Variants in ANK2 observed in about 807,000 individuals in gnomAD.
ANK2 encodes the protein ankyrin-2.
Under a neutral mutation model 360.5 loss-of-function variants are expected in ANK2, and 83 were observed. The ratio of observed to expected loss-of-function variants is 0.23; its 90% CI spans 0.19 to 0.28. The LOEUF is 0.28. Ranked by LOEUF, ANK2 falls within the 10% of genes least tolerant of loss-of-function variation. The pLI is 1.00. For missense variants in ANK2, 4,201 were observed against 4,795.7 expected, an observed-to-expected ratio of 0.88 and a Z score of 3.66; for synonymous variants, 1,740 against 1,759.5, an observed-to-expected ratio of 0.99 and a Z score of 0.28.
At position 112,958,087 on chromosome 4, in the gene ANK2, C is replaced by A. The variant is rs1358465860; in HGVS notation, c.21+53573C>A. 1.3e-4 allele frequency among the ~76,000 whole-genome samples: 19 copies of A among 150,754 alleles called. No homozygotes were observed. The South Asian group carries it at 3.6e-3, about 28-fold the overall frequency. ...CTTCCTAGATGGGATGGCGGCCGGGCAGAGACGCTCCTCACTTTCCAGACT... is the reference window on the plus strand; with the variant it reads ...CTTCCTAGATGGGATGGCGGCCGGGAAGAGACGCTCCTCACTTTCCAGACT... On this transcript the variant is annotated intron_variant, in intron 2 of 30. Transcript: ENST00000503271.
At chr4:112,912,350 C>G (rs1182348403) in intron 2 of ANK2, among the ~76,000 whole-genome samples, 10 of 152,022 alleles carry the variant, frequency 6.6e-5, no homozygotes. Context: ...GAAAAGATGA[C>G]CAAACCCTGA....
intron 1 of ANK2, among the ~76,000 whole-genome samples, chr4:112,832,541 AAGC>A (rs1296030711): frequency 1.3e-5 from 2 of 152,244 alleles, no homozygotes; most frequent in Non-Finnish European, 2.9e-5. Flanking sequence ...ATATGGATAA[AAGC>A]AGAGCCATTC....
intron 1 of ANK2, among the ~76,000 whole-genome samples, chr4:112,847,723 A>C (rs1324819528): frequency 1.3e-5 from 2 of 152,204 alleles, no homozygotes; most frequent in African/African-American, 4.8e-5. Context: ...TCAATATATA[A>C]AAAAATAAAT....
rs76681830 is a variant in ANK2, at chr4:113,368,642, A to C, written c.11318+791A>C. ...CATATCCCTAAACCTGAAGTCTGAG[A>C]ATAGGGTGTCATGAGATTGTATCAA... On this transcript the variant is annotated intron_variant, in intron 42 of 45. Coordinates refer to ENST00000357077, the MANE Select transcript of ANK2 (RefSeq NM_001148.6). Among the ~76,000 whole-genome samples the C allele has an allele frequency of 8.9e-3, 1,350 of 152,292 alleles. 22 individuals are homozygous for C. The highest frequency in any genetic ancestry group is 0.031 in the African/African-American group (1,276 of 41,552).
intron 20 of ANK2, among the ~76,000 whole-genome samples, chr4:113,291,771 C>G (rs920661295): frequency 6.6e-6 from 1 of 152,188 alleles, no homozygotes; most frequent in African/African-American, 2.4e-5. Context: ...CATTGGCTGT[C>G]ATAGTCTTCT....
chr4:113,108,232 A>G (rs1258121554), intron 1 of ANK2, among the ~76,000 whole-genome samples: 1 of 152,166 alleles, frequency 6.6e-6, no homozygotes, highest in Non-Finnish European at 1.5e-5. Flanking sequence ...TTGCAAAACA[A>G]TCTGATTGTA....
At chr4:113,111,896 G>T (rs964359206) in intron 1 of ANK2, among the ~76,000 whole-genome samples, 1 of 152,148 alleles carries the variant, frequency 6.6e-6, no homozygotes, top group African/African-American at 2.4e-5. Context: ...GTTCCAGGAA[G>T]GCTGAAAAGA....
At chr4:113,378,529 G>A (rs927648477) in intron 45 of ANK2, among the ~76,000 whole-genome samples, 1 of 152,100 alleles carries the variant, frequency 6.6e-6, no homozygotes, top group Non-Finnish European at 1.5e-5. Context: ...TCTAATCGAT[G>A]GATCACAGAT....
chr4:113,372,597 G>A, intron 43 of ANK2: 1 of 1,535,956 alleles, frequency 6.5e-7, no homozygotes, highest in Admixed American at 2.0e-5. Context: ...GTAACTACCA[G>A]GGTTGTCCGC....
chr4:113,380,264 A>G (rs1364166079), intron 45 of ANK2, among the ~76,000 whole-genome samples: 2 of 141,842 alleles, frequency 1.4e-5, no homozygotes, highest in Non-Finnish European at 2.9e-5. Context: ...TAAAAAAAAA[A>G]AGAAGAATAT....
chr4:112,787,942 A>G, the ANK2 span: 6 of 605,494 alleles, frequency 9.9e-6, no homozygotes, highest in South Asian at 8.0e-5. Context: ...GACATCCTCC[A>G]TGTATGATCA....
intron 1 of ANK2, among the ~76,000 whole-genome samples, chr4:112,850,543 G>GTTTTTTTTTTTTTTTTTTTTTTTTT (rs2064696489): frequency 1.6e-5 from 1 of 63,830 alleles, no homozygotes. Flanking sequence ...TTGAGACAGA[G>GTTTTTTTTTTTTTTTTTTTTTTTTT]TCTCTCTCTG....
At chr4:113,102,671 A>G (rs2093051482) in intron 1 of ANK2, among the ~76,000 whole-genome samples, 1 of 152,168 alleles carries the variant, frequency 6.6e-6, no homozygotes, top group African/African-American at 2.4e-5. Flanking sequence ...AAGAATGTCC[A>G]ACTGTGAAGT....
chr4:112,819,067 A>C (rs1489613397), intron 1 of ANK2, among the ~76,000 whole-genome samples: 1 of 152,232 alleles, frequency 6.6e-6, no homozygotes, highest in African/African-American at 2.4e-5. Flanking sequence ...ATCAGGAATG[A>C]TTCTCACCTC....
rs926810508 is a variant in ANK2 at position 113,370,586 on chromosome 4, C to T, written c.11610+781C>T. 2.6e-5 allele frequency among the ~76,000 whole-genome samples: 4 copies of T among 151,944 alleles called. 1 individual carries two copies. The South Asian group carries it at 8.3e-4, about 32-fold the overall frequency. ...CATCCTGGCTAACATGGTGAAACCT[C>T]GTCTCTACTACAAATACAAAAAAAT... On this transcript the variant is annotated intron_variant, in intron 43 of 45. Coordinates refer to ENST00000357077, the MANE Select transcript of ANK2 (RefSeq NM_001148.6).
At position 112,910,109 on chromosome 4, in the gene ANK2, G is replaced by A. The variant is rs577545486; in HGVS notation, c.21+5595G>A. On this transcript the variant is annotated intron_variant, in intron 2 of 30. Transcript: ENST00000503271. ...AATCACAGTGATCTCCAATATCTGC[G>A]TTTACATGCTTAGAGGCAAAACATA... Among the ~76,000 whole-genome samples the A allele has an allele frequency of 2.0e-5, 3 of 152,248 alleles. No individual in the cohort carries two copies. In the South Asian group the frequency reaches 6.2e-4, roughly 32 times the overall value.
At chr4:112,892,676 G>A (rs182149292) in intron 1 of ANK2, among the ~76,000 whole-genome samples, 101 of 152,276 alleles carry the variant, frequency 6.6e-4, no homozygotes, top group African/African-American at 2.3e-3. Flanking sequence ...TTAGAAAATA[G>A]CGTGTTTCAT....
intron 38 of ANK2, among the ~76,000 whole-genome samples, chr4:113,359,707 A>G (rs1017581838): frequency 2.6e-5 from 4 of 152,158 alleles, no homozygotes; most frequent in Admixed American, 2.0e-4. Flanking sequence ...TTATCTTCGC[A>G]TACTTTAAAA....
At chr4:112,812,586 C>T in the ANK2 span, among the ~76,000 whole-genome samples, 406 of 152,294 alleles carry the variant, frequency 2.7e-3, 5 homozygotes, top group African/African-American at 9.2e-3. Flanking sequence ...GGATTTCATT[C>T]TCCAGCTTTT....
Sources: allele counts gnomAD v4.1 joint callset (sites outside exome capture counted in the v4.1 genomes callset), GRCh38; gene constraint gnomAD v4.1.1; transcripts MANE v1.5; gene names NCBI Gene and HGNC (gene_info 2026-07-23, HGNC 2026-07-21).